NIPAL2: variants seen among roughly 807,000 people sequenced by gnomAD.
The protein encoded by NIPAL2 is NIPA like domain containing 2, also known as NIPA-like protein 2.
In NIPAL2, 43 loss-of-function variants were observed where a neutral mutation model predicts 48.9. That is an observed-to-expected ratio of 0.88 (90% CI 0.69 to 1.13). The LOEUF (loss-of-function observed/expected upper bound fraction) is 1.13, where lower values mean the gene tolerates loss of function less well. Ranked by LOEUF, NIPAL2 falls within the 50% of genes most tolerant of loss-of-function variation. The pLI is 0.00. For synonymous variants in NIPAL2, 167 were observed against 174.6 expected (o/e 0.96, Z 0.34); for missense variants, 446 against 461.4 (o/e 0.97, Z 0.31).
chr8:98,256,143 C>T (rs1298196239), intron 1 of NIPAL2, among the ~76,000 whole-genome samples: 1 of 152,074 alleles, frequency 6.6e-6, no homozygotes, highest in Non-Finnish European at 1.5e-5. Context: ...CGTGCCTCAG[C>T]CTCCCCAGTA....
intron 4 of NIPAL2, among the ~76,000 whole-genome samples, chr8:98,226,477 A>C (rs1812177774): frequency 6.6e-6 from 1 of 152,136 alleles, no homozygotes; most frequent in Non-Finnish European, 1.5e-5. Flanking sequence ...GTTCTTGCAG[A>C]TTTGTAGAGG....
chr8:98,231,509 G>A (rs1438521680), intron 4 of NIPAL2, among the ~76,000 whole-genome samples: 1 of 152,058 alleles, frequency 6.6e-6, no homozygotes, highest in Admixed American at 6.5e-5. Flanking sequence ...AAATCAACTA[G>A]GATCTCACAG....
At position 98,192,714 on chromosome 8, in the gene NIPAL2, T is replaced by A. The variant is rs770511480; in HGVS notation, c.*264A>T. On this transcript the variant is annotated 3_prime_UTR_variant, in exon 11 of 11. Transcript: ENST00000430223. The stretch of plus-strand genomic sequence containing the variant: ...AACATTCCTGCTAGAGCAGCCGGGC[T>A]CTGAGTAAGGTGTAGCTGGCTAGAT... 1 of 444,908 alleles carries A rather than the reference T, an allele frequency of 2.2e-6. No homozygotes were observed. The highest frequency in any genetic ancestry group is 4.0e-6 in the Non-Finnish European group (1 of 247,570). 27.6% of individuals were successfully genotyped at this position (444,908 alleles called of 1,614,324 possible).
intron 5 of NIPAL2, among the ~76,000 whole-genome samples, chr8:98,220,853 G>A (rs62522247): frequency 0.08 from 12,161 of 151,272 alleles, 545 homozygotes; most frequent in East Asian, 0.12. Context: ...GTGACAAGTT[G>A]CATATCAGCC....
Position 98,205,259 on chromosome 8 carries a change from A to G in NIPAL2, c.656-13T>C. ...ACAGTCAATGAGGCTGAAAAAGAAA[A>G]CAAAAAACACAAATAAAGAACATAT... On this transcript the variant is annotated splice_polypyrimidine_tract_variant and intron_variant, in intron 6 of 10. Transcript: ENST00000430223. 6.3e-7 allele frequency: 1 copy of G among 1,596,970 alleles called. No homozygotes were observed. Among genetic ancestry groups the G allele is most frequent in the South Asian group, 1.1e-5 (1 of 88,516 alleles).
At chr8:98,290,994 T>A (rs2130925956) in intron 1 of NIPAL2, among the ~76,000 whole-genome samples, 1 of 152,360 alleles carries the variant, frequency 6.6e-6, no homozygotes, top group South Asian at 2.1e-4. Context: ...TCAAACAAGA[T>A]GTATCTGTAG....
chr8:98,291,091 T>C (rs1816466129), intron 1 of NIPAL2, among the ~76,000 whole-genome samples: 1 of 152,132 alleles, frequency 6.6e-6, no homozygotes, highest in Admixed American at 6.5e-5. Flanking sequence ...TTGCTTTGAT[T>C]CCTGCACTCC....
rs557408334 is a variant in NIPAL2 at position 98,259,217 on chromosome 8, C to T, written c.136-5130G>A. On this transcript the variant is annotated intron_variant, in intron 1 of 10. Transcript: ENST00000430223. Reference sequence around the variant, plus strand: ...TCAGCCTCCCGTGTAGCTGGGACTACAGGCGCGCGCCACCATGCCCGGCTA... The same window carrying T: ...TCAGCCTCCCGTGTAGCTGGGACTATAGGCGCGCGCCACCATGCCCGGCTA... Among the ~76,000 whole-genome samples, 114 of 150,466 alleles carry T rather than the reference C, an allele frequency of 7.6e-4. 1 individual carries two copies. The highest frequency in any genetic ancestry group is 1.5e-3 in the Non-Finnish European group (102 of 67,662).
chr8:98,199,033 T>G (rs1002197124), intron 8 of NIPAL2, among the ~76,000 whole-genome samples: 3 of 151,816 alleles, frequency 2.0e-5, no homozygotes, highest in African/African-American at 7.3e-5. Flanking sequence ...CTTGGCTCAC[T>G]GCAACCTCCG....
intron 7 of NIPAL2, 21 bp from the exon 8 acceptor site, chr8:98,203,217 T>G (rs1810885789): frequency 1.3e-6 from 2 of 1,585,396 alleles, no homozygotes; most frequent in Non-Finnish European, 1.7e-6. Context: ...AGGCACTTAC[T>G]GGAGCTTTGG....
chr8:98,253,948 C>T, intron 2 of NIPAL2, 71 bp downstream of exon 2: 1 of 930,764 alleles, frequency 1.1e-6, no homozygotes, highest in South Asian at 1.9e-5. Flanking sequence ...CAAAAGTGCC[C>T]AATGCCCATG....
chr8:98,249,723 A>C, intron 3 of NIPAL2, among the ~76,000 whole-genome samples: 3 of 147,550 alleles, frequency 2.0e-5, no homozygotes, highest in Middle Eastern at 7.2e-3. Context: ...AAACATAATC[A>C]ATAAAATTAT....
rs1396048861 is a variant in NIPAL2, at chr8:98,262,695, C to A, written c.136-8608G>T. 2.6e-5 allele frequency among the ~76,000 whole-genome samples: 4 copies of A among 151,564 alleles called. No homozygotes were observed. The East Asian group carries it at 7.7e-4, about 29-fold the overall frequency. On this transcript the variant is annotated intron_variant, in intron 1 of 10. Transcript: ENST00000430223. ...ATTAATAATGGGAGACTTTAACACC[C>A]ACTGTCAACATTAGACAGATCAACG...
In NIPAL2 at chr8:98,262,210, A is replaced by G. The variant is rs570591440; in HGVS notation, c.136-8123T>C. Among the ~76,000 whole-genome samples, 62 of 151,918 alleles carry G rather than the reference A, an allele frequency of 4.1e-4. 1 individual carries two copies. The highest frequency in any genetic ancestry group is 1.5e-3 in the African/African-American group (61 of 41,406). ...TAAAGACCATCAAGACTAGGAAGAA[A>G]CTGCATCAACTAACGAGCAAAATAA... On this transcript the variant is annotated intron_variant, in intron 1 of 10. Transcript: ENST00000430223.
chr8:98,195,157 A>T (rs1234245271), intron 9 of NIPAL2, among the ~76,000 whole-genome samples: 1 of 152,224 alleles, frequency 6.6e-6, no homozygotes, highest in Non-Finnish European at 1.5e-5. Flanking sequence ...AAAATAATTT[A>T]TTCTTTAATT....
intron 6 of NIPAL2, among the ~76,000 whole-genome samples, chr8:98,209,754 T>C (rs1324822852): frequency 6.6e-6 from 1 of 152,164 alleles, no homozygotes; most frequent in East Asian, 1.9e-4. Context: ...CTATTTTGTT[T>C]CCCATTTTGG....
chr8:98,242,528 C>A (rs1385462825), intron 3 of NIPAL2, among the ~76,000 whole-genome samples: 1 of 144,648 alleles, frequency 6.9e-6, no homozygotes, highest in African/African-American at 2.6e-5. Flanking sequence ...GGCTCTGTCA[C>A]CCAGGCTGGA....
In NIPAL2 at chr8:98,225,697, C is replaced by T. The variant is rs531121463; in HGVS notation, c.437-3097G>A. ...GTAGCTTCTTTGGGTTAAATCTGCT[C>T]GGTGTTCTGTACATGAACCTTCTTG... is the stretch of plus-strand genomic sequence containing the variant. On this transcript the variant is annotated intron_variant, in intron 4 of 10. Transcript: ENST00000430223. 2.3e-4 allele frequency among the ~76,000 whole-genome samples: 35 copies of T among 152,090 alleles called. No individual in the cohort carries two copies. In the South Asian group the frequency reaches 7.1e-3, roughly 31 times the overall value.
intron 1 of NIPAL2, among the ~76,000 whole-genome samples, chr8:98,275,606 G>A (rs1026261533): frequency 6.6e-5 from 10 of 152,136 alleles, no homozygotes; most frequent in Non-Finnish European, 1.3e-4. Flanking sequence ...CATTTTCTGG[G>A]ATAAATGCCC....
Sources: allele counts gnomAD v4.1 joint callset (sites outside exome capture counted in the v4.1 genomes callset), GRCh38; gene constraint gnomAD v4.1.1; transcripts MANE v1.5; gene names NCBI Gene and HGNC (gene_info 2026-07-23, HGNC 2026-07-21).